The following GPD2 variants were observed in gnomAD, a reference collection of about 807,000 sequenced individuals.
GPD2 encodes the protein glycerol-3-phosphate dehydrogenase 2.
A neutral mutation model predicts 82.4 loss-of-function variants in GPD2; 54 were observed. The observed-to-expected ratio is 0.66, with a 90% CI of 0.53 to 0.82. The LOEUF is 0.82. Among genes scored for constraint, GPD2 ranks in the 40% least tolerant of loss-of-function variants. The pLI is 0.00. For missense variants in GPD2, 748 were observed against 896.2 expected (o/e 0.83, Z 2.11); for synonymous variants, 288 against 306.1 (o/e 0.94, Z 0.62).
chr2:156,540,684 T>C (rs1475301844), intron 6 of GPD2, among the ~76,000 whole-genome samples: 1 of 152,244 alleles, frequency 6.6e-6, no homozygotes, highest in Admixed American at 6.5e-5. Context: ...TTAATAATTC[T>C]AATATTTTGA....
intron 1 of GPD2, among the ~76,000 whole-genome samples, chr2:156,462,260 A>G (rs1306496097): frequency 6.6e-6 from 1 of 151,954 alleles, no homozygotes; most frequent in Non-Finnish European, 1.5e-5. Context: ...CTGTGCATGT[A>G]CCTGGTTTGA....
chr2:156,447,013 C>A (rs1011370581), intron 1 of GPD2, among the ~76,000 whole-genome samples: 2 of 151,984 alleles, frequency 1.3e-5, no homozygotes, highest in Non-Finnish European at 1.5e-5. Flanking sequence ...ACTCTGGATC[C>A]CCCATTCCCT....
intron 8 of GPD2, among the ~76,000 whole-genome samples, chr2:156,556,504 T>G (rs2105344561): frequency 6.6e-6 from 1 of 152,334 alleles, no homozygotes; most frequent in Middle Eastern, 3.4e-3. Flanking sequence ...TTGTTAATGT[T>G]TGTTTACAGT....
At chr2:156,471,519 A>G (rs770539967) in intron 1 of GPD2, among the ~76,000 whole-genome samples, 1 of 152,206 alleles carries the variant, frequency 6.6e-6, no homozygotes, top group African/African-American at 2.4e-5. Context: ...CTAGCTGTAC[A>G]TCATCTCCAG....
the GPD2 span, among the ~76,000 whole-genome samples, chr2:156,423,398 G>A: frequency 1.3e-5 from 2 of 152,068 alleles, no homozygotes; most frequent in East Asian, 3.8e-4. Flanking sequence ...TTTCCAAAAT[G>A]AGCATGAGTT....
chr2:156,439,573 G>GACTC, intron 1 of GPD2, among the ~76,000 whole-genome samples: 1 of 125,454 alleles, frequency 8.0e-6, no homozygotes, highest in East Asian at 2.7e-4. Context: ...CAGGCACAGT[G>GACTC]ACTCACACCT....
chr2:156,546,204 T>C (rs1041759842), intron 6 of GPD2, among the ~76,000 whole-genome samples: 3 of 152,196 alleles, frequency 2.0e-5, no homozygotes, highest in East Asian at 3.8e-4. Flanking sequence ...TAAGTGCCAA[T>C]GTAAAGCTAT....
Position 156,497,097 on chromosome 2 carries a change from G to A in GPD2, c.274+882G>A, listed in dbSNP as rs553803967. On this transcript the variant is annotated intron_variant, in intron 3 of 16. Transcript: ENST00000438166. ...GTTTGTTTTGGCTGTGGGTATTAGC[G>A]TGGAATTTGGAGTCAGGGAAATCTG... is the stretch of plus-strand genomic sequence containing the variant. Among the ~76,000 whole-genome samples, 7 of 152,270 alleles carry A rather than the reference G, an allele frequency of 4.6e-5. No homozygotes were observed. In the East Asian group the frequency reaches 9.6e-4, roughly 21 times the overall value.
rs543407943 is a variant in GPD2 at position 156,574,763 on chromosome 2, T to C, written c.1767+3471T>C. ...GAATAATGTGGATGTGTATGAGTAG[T>C]GTCAGGTATTGTTTGGGTGTTGGGG... On this transcript the variant is annotated intron_variant, in intron 13 of 16. Coordinates refer to ENST00000438166, the MANE Select transcript of GPD2 (RefSeq NM_000408.5). Among the ~76,000 whole-genome samples the C allele has an allele frequency of 2.8e-4, 42 of 152,196 alleles. 1 individual carries two copies. The highest frequency in any genetic ancestry group is 9.6e-4 in the African/African-American group (40 of 41,516).
intron 2 of GPD2, among the ~76,000 whole-genome samples, chr2:156,490,541 T>G (rs755315394): frequency 3.3e-5 from 5 of 152,150 alleles, no homozygotes; most frequent in South Asian, 2.1e-4. Flanking sequence ...ACAAACTACT[T>G]TCTAGATTTG....
At chr2:156,498,593 G>A (rs1235953620) in intron 3 of GPD2, among the ~76,000 whole-genome samples, 1 of 152,138 alleles carries the variant, frequency 6.6e-6, no homozygotes, top group African/African-American at 2.4e-5. Context: ...GAGTGGAAAG[G>A]CAGGGCTGGG....
At chr2:156,557,617 G>A in intron 9 of GPD2, 35 bp downstream of exon 9, 2 of 1,168,910 alleles carry the variant, frequency 1.7e-6, no homozygotes, top group East Asian at 2.3e-5. Context: ...GTCTCTCTGT[G>A]TCCATATCTC....
the GPD2 span, among the ~76,000 whole-genome samples, chr2:156,422,803 T>A: frequency 6.6e-6 from 1 of 152,074 alleles, no homozygotes; most frequent in Non-Finnish European, 1.5e-5. Flanking sequence ...TCACATTTCT[T>A]GTCACTGAAT....
chr2:156,407,236 T>C, the GPD2 span, among the ~76,000 whole-genome samples: 1 of 152,204 alleles, frequency 6.6e-6, no homozygotes, highest in African/African-American at 2.4e-5. Flanking sequence ...TTGTTATCAG[T>C]GTCCTGTATT....
the GPD2 span, among the ~76,000 whole-genome samples, chr2:156,400,821 T>G: frequency 6.6e-6 from 1 of 152,120 alleles, no homozygotes; most frequent in Non-Finnish European, 1.5e-5. Flanking sequence ...AGGTCCCGGG[T>G]TCAATCCCCG....
chr2:156,440,585 C>A (rs2105137349), intron 1 of GPD2, among the ~76,000 whole-genome samples: 1 of 152,264 alleles, frequency 6.6e-6, no homozygotes, highest in East Asian at 1.9e-4. Flanking sequence ...TTGTGTATTT[C>A]TTTCTATATC....
chr2:156,535,397 G>GGC (rs1686034739), intron 6 of GPD2, among the ~76,000 whole-genome samples: 2 of 117,220 alleles, frequency 1.7e-5, no homozygotes, highest in African/African-American at 6.4e-5. Context: ...CCTGGGGGGG[G>GGC]GCGGGGAGAG....
At chr2:156,521,071 G>T (rs1685390117) in intron 6 of GPD2, among the ~76,000 whole-genome samples, 1 of 152,112 alleles carries the variant, frequency 6.6e-6, no homozygotes, top group Non-Finnish European at 1.5e-5. Flanking sequence ...TGTACAAAAA[G>T]TTCATAGAAG....
At chr2:156,492,147 CTTT>C (rs770947790) in intron 2 of GPD2, among the ~76,000 whole-genome samples, 17,245 of 72,364 alleles carry the variant, frequency 0.24, 307 homozygotes, top group Non-Finnish European at 0.3. Context: ...CCCTCCCTAC[CTTT>C]TTTTTTTTTT....
Sources: allele counts gnomAD v4.1 joint callset (sites outside exome capture counted in the v4.1 genomes callset), GRCh38; gene constraint gnomAD v4.1.1; transcripts MANE v1.5; gene names NCBI Gene and HGNC (gene_info 2026-07-23, HGNC 2026-07-21).